RNF152: variants seen among roughly 807,000 people sequenced by gnomAD.
RNF152 encodes the protein E3 ubiquitin-protein ligase RNF152.
In RNF152, 11 loss-of-function variants were observed where a neutral mutation model predicts 12.7. The observed-to-expected ratio is 0.86, with a 90% CI of 0.54 to 1.43. RNF152 has a LOEUF of 1.43. Among genes scored for constraint, RNF152 ranks in the 40% most tolerant of loss-of-function variants. RNF152 has a pLI of 0.00. For synonymous variants in RNF152, 113 were observed against 120.3 expected (o/e 0.94, Z 0.40); for missense variants, 255 against 274.8 (o/e 0.93, Z 0.51).
Position 61,816,477 on chromosome 18 carries a change from C to A in RNF152, c.-14G>T, listed in dbSNP as rs1909099689. 6.3e-7 allele frequency: 1 copy of A among 1,582,996 alleles called. No individual in the cohort carries two copies. The highest frequency in any genetic ancestry group is 8.6e-7 in the Non-Finnish European group (1 of 1,159,802). ...CAGCGTCTCCATGGTGGACCGTGAG[C>A]AGGAAGGGCAAGGCCAAGGTGAAGG... On this transcript the variant is annotated 5_prime_UTR_variant, in exon 2 of 2. Transcript: ENST00000312828.
In RNF152 at chr18:61,815,650, A is replaced by T. The variant is rs1909028573; in HGVS notation, c.*202T>A. 1.7e-6 allele frequency: 1 copy of T among 578,440 alleles called. No homozygotes were observed. The highest frequency in any genetic ancestry group is 1.9e-5 in the African/African-American group (1 of 53,704). The allele number at this position is 578,440 out of a possible 1,614,324, so 35.8% of individuals were successfully genotyped here. On this transcript the variant is annotated 3_prime_UTR_variant, in exon 2 of 2. Transcript: ENST00000312828. ...CATCTTCCAAGCTGTTGCCATCAACACTCAGAACAATTCACCTGGTATCTT... is the reference window on the plus strand; with the variant it reads ...CATCTTCCAAGCTGTTGCCATCAACTCTCAGAACAATTCACCTGGTATCTT...
chr18:61,817,622 T>A (rs946256101), intron 1 of RNF152, among the ~76,000 whole-genome samples: 1 of 152,086 alleles, frequency 6.6e-6, no homozygotes, highest in African/African-American at 2.4e-5. Flanking sequence ...TTGGTATACA[T>A]GGGGGTCCTG....
intron 1 of RNF152, among the ~76,000 whole-genome samples, chr18:61,884,444 C>CAA (rs79002370): frequency 7.3e-6 from 1 of 137,632 alleles, no homozygotes; most frequent in Non-Finnish European, 1.6e-5. Flanking sequence ...TTTGCCATTA[C>CAA]AAAAAAAAAA....
chr18:61,837,565 AT>A (rs1599280928), intron 1 of RNF152, among the ~76,000 whole-genome samples: 1 of 152,262 alleles, frequency 6.6e-6, no homozygotes, highest in African/African-American at 2.4e-5. Flanking sequence ...TTTTCAAAGT[AT>A]TTTTTTAATT....
chr18:61,834,232 C>T (rs1328744070), intron 1 of RNF152, among the ~76,000 whole-genome samples: 1 of 152,200 alleles, frequency 6.6e-6, no homozygotes, highest in Admixed American at 6.5e-5. Flanking sequence ...GGGATGCTGT[C>T]CTTTTGGTCT....
At position 61,869,778 on chromosome 18, in the gene RNF152, C is replaced by T. The variant is rs116694306; in HGVS notation, c.-136+23017G>A. On this transcript the variant is annotated intron_variant, in intron 1 of 1. Coordinates refer to ENST00000312828, the MANE Select transcript of RNF152 (RefSeq NM_173557.3). ...ACGCACGCACACACATGCACACACC[C>T]GGAAGCTTATCATCTTCATAAACTC... Among the ~76,000 whole-genome samples, 1,206 of 152,294 alleles carry T rather than the reference C, an allele frequency of 7.9e-3. 19 individuals are homozygous for T. Among genetic ancestry groups the T allele is most frequent in the African/African-American group, 0.028 (1,161 of 41,556 alleles).
At chr18:61,830,078 G>A (rs1909868943) in intron 1 of RNF152, among the ~76,000 whole-genome samples, 1 of 150,650 alleles carries the variant, frequency 6.6e-6, no homozygotes, top group African/African-American at 2.4e-5. Flanking sequence ...CTGGAGTGCA[G>A]TGGTGCGATC....
At chr18:61,864,320 G>A (rs1041651480) in intron 1 of RNF152, among the ~76,000 whole-genome samples, 10 of 152,212 alleles carry the variant, frequency 6.6e-5, no homozygotes, top group African/African-American at 2.4e-4. Flanking sequence ...TTGTGAGAAC[G>A]GCTAGCAGAA....
At chr18:61,833,528 G>C (rs1052012148) in intron 1 of RNF152, among the ~76,000 whole-genome samples, 1 of 152,110 alleles carries the variant, frequency 6.6e-6, no homozygotes, top group Non-Finnish European at 1.5e-5. Flanking sequence ...CCCTCTAATG[G>C]AATATCAATG....
At chr18:61,872,234 G>A (rs1300502039) in intron 1 of RNF152, among the ~76,000 whole-genome samples, 1 of 152,112 alleles carries the variant, frequency 6.6e-6, no homozygotes, top group African/African-American at 2.4e-5. Flanking sequence ...CCATCATGAA[G>A]GATCCACCCC....
At chr18:61,851,499 C>A (rs970270946) in intron 1 of RNF152, among the ~76,000 whole-genome samples, 2 of 152,212 alleles carry the variant, frequency 1.3e-5, no homozygotes, top group Admixed American at 6.5e-5. Context: ...CGTGCCTTAT[C>A]TCATCCTTAC....
At chr18:61,830,199 T>C (rs1053950832) in intron 1 of RNF152, among the ~76,000 whole-genome samples, 1 of 152,018 alleles carries the variant, frequency 6.6e-6, no homozygotes, top group Non-Finnish European at 1.5e-5. Context: ...ATTTTTTGTA[T>C]ATTTAGTAGA....
At chr18:61,817,387 G>A (rs965616336) in intron 1 of RNF152, among the ~76,000 whole-genome samples, 2 of 152,176 alleles carry the variant, frequency 1.3e-5, no homozygotes, top group Non-Finnish European at 2.9e-5. Flanking sequence ...AAGCAAGTAC[G>A]ATTGACCCAT....
chr18:61,820,113 A>T (rs1335301534), intron 1 of RNF152, among the ~76,000 whole-genome samples: 1 of 150,386 alleles, frequency 6.6e-6, no homozygotes, highest in Non-Finnish European at 1.5e-5. Flanking sequence ...GCGGATCACG[A>T]GGTCAGGAGA....
chr18:61,853,998 G>T (rs572890092), intron 1 of RNF152, among the ~76,000 whole-genome samples: 2 of 152,238 alleles, frequency 1.3e-5, no homozygotes, highest in East Asian at 3.9e-4. Context: ...GGTTGCCTGA[G>T]GTCCAGGGTT....
intron 1 of RNF152, among the ~76,000 whole-genome samples, chr18:61,848,543 C>T (rs1910835761): frequency 1.3e-5 from 2 of 152,224 alleles, no homozygotes; most frequent in African/African-American, 4.8e-5. Context: ...TGTACGTGGC[C>T]TCAGCCTAAC....
chr18:61,816,943 CTT>C (rs1232930436), intron 1 of RNF152, among the ~76,000 whole-genome samples: 1 of 152,208 alleles, frequency 6.6e-6, no homozygotes, highest in Non-Finnish European at 1.5e-5. Context: ...ACTAGAGAAA[CTT>C]TCCTGCTTCC....
chr18:61,847,698 T>C (rs1321561366), intron 1 of RNF152, among the ~76,000 whole-genome samples: 1 of 152,196 alleles, frequency 6.6e-6, no homozygotes, highest in Non-Finnish European at 1.5e-5. Context: ...GGGTTTCTCA[T>C]AGGCGTCTCA....
At chr18:61,838,157 A>G (rs768441978) in intron 1 of RNF152, among the ~76,000 whole-genome samples, 14 of 152,144 alleles carry the variant, frequency 9.2e-5, no homozygotes, top group Non-Finnish European at 1.9e-4. Context: ...TTTTTCACTC[A>G]CCATTCTCAC....
Sources: gnomAD v4.1 joint callset for allele counts (sites outside exome capture counted in the v4.1 genomes callset) on GRCh38, gnomAD v4.1.1 for gene constraint, MANE v1.5 for transcripts, NCBI Gene and HGNC (gene_info 2026-07-23, HGNC 2026-07-21) for gene names.